Variants in MYH9 observed in about 807,000 individuals in gnomAD.
The protein encoded by MYH9 is myosin-9.
A neutral mutation model predicts 241.9 loss-of-function variants in MYH9; 29 were observed. The ratio of observed to expected loss-of-function variants is 0.12; its 90% CI spans 0.09 to 0.16. The LOEUF (loss-of-function observed/expected upper bound fraction) is 0.16, where lower values mean the gene tolerates loss of function less well. Among genes scored for constraint, MYH9 ranks in the 10% least tolerant of loss-of-function variants. The pLI, the probability that MYH9 is intolerant of heterozygous loss-of-function variation, is 1.00. For missense variants in MYH9, 1,803 were observed against 2,595.5 expected (o/e 0.69, Z 6.63); for synonymous variants, 1,047 against 1,062.6 (o/e 0.99, Z 0.29).
At chr22:36,360,030 A>ACACCACCACCACCCC (rs2017912979) in intron 1 of MYH9, among the ~76,000 whole-genome samples, 1 of 102,160 alleles carries the variant, frequency 9.8e-6, no homozygotes, top group Non-Finnish European at 2.1e-5. Flanking sequence ...ATGAGGACAA[A>ACACCACCACCACCCC]CACCACCACC....
chr22:36,348,867 C>A, intron 2 of MYH9, 37 bp downstream of exon 2: 15 of 1,384,528 alleles, frequency 1.1e-5, no homozygotes, highest in Non-Finnish European at 1.5e-5. Flanking sequence ...TCGGAGCCCT[C>A]AGACCCAGCC....
chr22:36,291,073 G>A (rs931969286), intron 31 of MYH9, among the ~76,000 whole-genome samples: 16 of 143,566 alleles, frequency 1.1e-4, no homozygotes, highest in East Asian at 8.6e-4. Flanking sequence ...TCAGCCCCCC[G>A]CCAGGCCAGC....
intron 1 of MYH9, among the ~76,000 whole-genome samples, chr22:36,366,917 C>T (rs62228863): frequency 0.015 from 2,244 of 151,120 alleles, 36 homozygotes; most frequent in Non-Finnish European, 0.024. Context: ...AGGCTGCATC[C>T]GTTATGCGAC....
At chr22:36,333,322 T>C (rs2017452130) in intron 3 of MYH9, among the ~76,000 whole-genome samples, 1 of 152,176 alleles carries the variant, frequency 6.6e-6, no homozygotes, top group African/African-American at 2.4e-5. Context: ...AGGAAAGGCA[T>C]GTCGGTGACT....
chr22:36,289,342 A>G, intron 31 of MYH9, 45 bp from the exon 32 acceptor site: 1 of 1,558,276 alleles, frequency 6.4e-7, no homozygotes, highest in Non-Finnish European at 8.7e-7. Context: ...TACGGCCCCC[A>G]GCAGGGCAGG....
rs201391155 is a variant in MYH9, at chr22:36,300,109, G to A, written c.2976+18C>T. ...CGGCGCCCCTGGAGCAGCGGCAGGC[G>A]ACAGCCACGGGCCTCACCTTGGCCA... On this transcript the variant is annotated intron_variant, in intron 23 of 40. Coordinates refer to ENST00000216181, the MANE Select transcript of MYH9 (RefSeq NM_002473.6). This position sits in a 1 kb window ranked among gnomAD's most constrained non-coding sequence, Gnocchi z 5.0. 6.1e-5 allele frequency: 98 copies of A among 1,608,468 alleles called. No homozygotes were observed. The highest frequency in any genetic ancestry group is 1.2e-4 in the Admixed American group (7 of 59,992).
chr22:36,296,763 T>A, intron 25 of MYH9, 80 bp downstream of exon 25: 1 of 1,445,846 alleles, frequency 6.9e-7, no homozygotes, highest in Non-Finnish European at 9.2e-7. Flanking sequence ...AGCTCACTAG[T>A]GCCGAGAACT....
intron 1 of MYH9, among the ~76,000 whole-genome samples, chr22:36,370,558 C>T (rs1433146952): frequency 6.6e-6 from 1 of 152,236 alleles, no homozygotes; most frequent in Non-Finnish European, 1.5e-5. Flanking sequence ...ACGCTCGAAC[C>T]GCAGCCATCC....
In MYH9 at chr22:36,309,328, C is replaced by A. The variant is rs2017022586; in HGVS notation, c.1797G>T (p.Leu599=). Residue 599 remains leucine, a synonymous_variant, in exon 15 of 41, where the codon CTG becomes CTT. Coordinates refer to ENST00000216181, the MANE Select transcript of MYH9 (RefSeq NM_002473.6). ...MDPLNDNIAT[L]LHQSSDKFVS... ...CAAACTTGTCAGAGGACTGGTGGAG[C>A]AGTGTGGCGATGTTGTCATTCAGGG... 6.2e-6 allele frequency: 10 copies of A among 1,614,174 alleles called. No individual in the cohort carries two copies. The highest frequency in any genetic ancestry group is 7.6e-6 in the Non-Finnish European group (9 of 1,180,024).
intron 3 of MYH9, among the ~76,000 whole-genome samples, chr22:36,340,726 T>C (rs1603483850): frequency 4.7e-5 from 7 of 148,592 alleles, no homozygotes; most frequent in Admixed American, 3.4e-4. Flanking sequence ...AGAGGTGAGG[T>C]AGGAACTCCT....
chr22:36,294,197 C>G lies in MYH9; in HGVS notation c.3732G>C (p.Glu1244Asp). 1.2e-6 allele frequency: 2 copies of G among 1,614,046 alleles called. No homozygotes were observed. The highest frequency in any genetic ancestry group is 4.5e-5 in the East Asian group (2 of 44,882). ...GCGCCTCCACTTTCTTGCGCTTGTG[C>G]TCCGAGTCCCCTTTGCCCTGCAGCA... ...KVLLQGKGDSEHKRKKVEAQL... is the reference protein window; with the variant it reads ...KVLLQGKGDSDHKRKKVEAQL... Residue 1244 changes from glutamate to aspartate, a missense_variant, in exon 28 of 41, where the codon GAG becomes GAC. By Grantham distance (45) the Glu-to-Asp change is conservative. Transcript: ENST00000216181.
chr22:36,299,174 G>C, intron 23 of MYH9, 132 bp from the exon 24 acceptor site: 3 of 1,269,592 alleles, frequency 2.4e-6, no homozygotes, highest in Non-Finnish European at 3.4e-6. Context: ...AGTTCATTAG[G>C]ATTTTCCTAG....
At chr22:36,348,834 A>AGGGGGGGGGGGGG in intron 2 of MYH9, 70 bp downstream of exon 2, 9 of 888,340 alleles carry the variant, frequency 1.0e-5, no homozygotes, top group East Asian at 1.0e-4. Flanking sequence ...GGGTGATGGG[A>AGGGGGGGGGGGGG]AGACCCGCCC....
chr22:36,302,004 G>A (rs1291677874), intron 20 of MYH9, among the ~76,000 whole-genome samples: 6 of 152,098 alleles, frequency 3.9e-5, no homozygotes, highest in Admixed American at 1.3e-4. Flanking sequence ...CTAAAAAAAC[G>A]ATGCTTATGA....
chr22:36,375,923 G>A (rs1453088854), intron 1 of MYH9, among the ~76,000 whole-genome samples: 1 of 149,326 alleles, frequency 6.7e-6, no homozygotes, highest in Non-Finnish European at 1.5e-5. Flanking sequence ...GCATCAGCAT[G>A]GTACCTAGTA....
chr22:36,309,169 T>G, intron 15 of MYH9, 113 bp downstream of exon 15: 2 of 904,270 alleles, frequency 2.2e-6, no homozygotes, highest in Non-Finnish European at 1.8e-6. Context: ...CCACCTGGCC[T>G]ATGTCAGGGG....
intron 34 of MYH9, 36 bp from the exon 35 acceptor site, chr22:36,286,882 C>A (rs1289342710): frequency 1.9e-6 from 3 of 1,601,068 alleles, no homozygotes; most frequent in Non-Finnish European, 2.5e-6. Flanking sequence ...CCCCACCCAG[C>A]TCCTTGGCCC....
intron 7 of MYH9, among the ~76,000 whole-genome samples, chr22:36,321,483 C>A (rs181451659): frequency 2.0e-5 from 3 of 152,298 alleles, no homozygotes; most frequent in Non-Finnish European, 4.4e-5. Flanking sequence ...GAGTGGCATC[C>A]CCCAAACGCC....
chr22:36,328,401 C>G (rs1357700430), intron 3 of MYH9, among the ~76,000 whole-genome samples: 1 of 152,226 alleles, frequency 6.6e-6, no homozygotes, highest in East Asian at 1.9e-4. Context: ...AAAATATAAA[C>G]TCATTTTTTT....
Sources: allele counts gnomAD v4.1 joint callset (sites outside exome capture counted in the v4.1 genomes callset), GRCh38; gene constraint gnomAD v4.1.1; non-coding constraint Gnocchi (gnomAD v3.1); transcripts MANE v1.5; gene names NCBI Gene and HGNC (gene_info 2026-07-23, HGNC 2026-07-21).